The following KCNQ1 variants were observed in gnomAD, a reference collection of about 807,000 sequenced individuals.
The protein encoded by KCNQ1 is potassium voltage-gated channel subfamily Q member 1.
A neutral mutation model predicts 72.4 loss-of-function variants in KCNQ1; 49 were observed. The ratio of observed to expected loss-of-function variants is 0.68; its 90% CI spans 0.54 to 0.86. KCNQ1 has a LOEUF of 0.86. Among genes scored for constraint, KCNQ1 ranks in the 40% least tolerant of loss-of-function variants. The pLI, the probability that KCNQ1 is intolerant of heterozygous loss-of-function variation, is 0.00. For synonymous variants in KCNQ1, 450 were observed against 412.6 expected, an observed-to-expected ratio of 1.09 and a Z score of -1.10; for missense variants, 790 against 945.1, an observed-to-expected ratio of 0.84 and a Z score of 2.15.
In KCNQ1 at chr11:2,648,077, G is replaced by T. The variant is rs555203363; in HGVS notation, c.1394-13884G>T. On this transcript the variant is annotated intron_variant, in intron 10 of 15. Coordinates refer to ENST00000155840, the MANE Select transcript of KCNQ1 (RefSeq NM_000218.3). ...AAAAAAAAAAAAAAAAATTAGCGAG[G>T]TGTGGTGCTGCACATCTACTCAGAA... 77 of 397,286 alleles carry T rather than the reference G, an allele frequency of 1.9e-4. No homozygotes were observed. In the East Asian group the frequency reaches 2.7e-3, roughly 14 times the overall value. 24.6% of individuals were successfully genotyped at this position (397,286 alleles called of 1,614,324 possible). A position where few individuals can be genotyped will look rare whatever the true frequency, so the allele number is the denominator to read the frequency against.
Position 2,617,469 on chromosome 11 carries a change from A to G in KCNQ1, c.1393+28615A>G, listed in dbSNP as rs1293875253. 1.3e-5 allele frequency: 5 copies of G among 398,356 alleles called. No individual in the cohort carries two copies. The highest frequency in any genetic ancestry group is 8.2e-5 in the African/African-American group (4 of 48,626). 24.7% of individuals were successfully genotyped at this position (398,356 alleles called of 1,614,324 possible). On this transcript the variant is annotated intron_variant, in intron 10 of 15. Coordinates refer to ENST00000155840, the MANE Select transcript of KCNQ1 (RefSeq NM_000218.3). This position sits in a 1 kb window ranked among gnomAD's most constrained non-coding sequence, Gnocchi z 4.6. ...CACACCACAGTTTAGTCATCCATCA[A>G]TGGACACGTAAGTTTTCATATCGTG...
chr11:2,454,923 T>G (rs1471745818), intron 1 of KCNQ1, among the ~76,000 whole-genome samples: 1 of 151,830 alleles, frequency 6.6e-6, no homozygotes, highest in African/African-American at 2.4e-5. Context: ...GTCAGAAAAA[T>G]CAGGCAAGAG....
In KCNQ1 at chr11:2,497,355, T is replaced by C. The variant is rs576674384; in HGVS notation, c.387-30573T>C. ...ATAGTCCCATATTTCTTGGAGGTTTTGTTCGTTCTTTTTCATCATTTTTTC... is the reference window on the plus strand; with the variant it reads ...ATAGTCCCATATTTCTTGGAGGTTTCGTTCGTTCTTTTTCATCATTTTTTC... On this transcript the variant is annotated intron_variant, in intron 1 of 15. Transcript: ENST00000155840. This position sits in a 1 kb window ranked among gnomAD's most constrained non-coding sequence, Gnocchi z 4.5. Among the ~76,000 whole-genome samples the C allele has an allele frequency of 3.9e-5, 6 of 152,306 alleles. No individual in the cohort carries two copies. The East Asian group carries it at 9.6e-4, about 24-fold the overall frequency.
At chr11:2,714,228 A>G (rs1005929733) in intron 11 of KCNQ1, among the ~76,000 whole-genome samples, 2 of 152,176 alleles carry the variant, frequency 1.3e-5, no homozygotes, top group Non-Finnish European at 2.9e-5. Flanking sequence ...AGCATTCCGC[A>G]TCTCATGGGG....
chr11:2,844,481 C>T (rs367720428), intron 15 of KCNQ1, among the ~76,000 whole-genome samples: 9 of 152,214 alleles, frequency 5.9e-5, no homozygotes, highest in Non-Finnish European at 1.3e-4. Flanking sequence ...CATGGGCTGA[C>T]GCTGGCCCAG....
rs1315213139 is a variant in KCNQ1 at position 2,599,536 on chromosome 11, C to G, written c.1393+10682C>G. ...CTTTTATTTCTATGTGTTAACTTTC[C>G]AGGATGTATTAGTTTGCTAGGACTG... On this transcript the variant is annotated intron_variant, in intron 10 of 15. Transcript: ENST00000155840. This position sits in a 1 kb window ranked among gnomAD's most constrained non-coding sequence, Gnocchi z 4.7. 6.6e-6 allele frequency among the ~76,000 whole-genome samples: 1 copy of G among 152,054 alleles called. No homozygotes were observed. Among genetic ancestry groups the G allele is most frequent in the Non-Finnish European group, 1.5e-5 (1 of 68,014 alleles).
chr11:2,584,819 C>T (rs1000707297), intron 7 of KCNQ1, among the ~76,000 whole-genome samples: 5 of 152,072 alleles, frequency 3.3e-5, no homozygotes, highest in Non-Finnish European at 4.4e-5. Flanking sequence ...TCCCATCAAC[C>T]GTCCTTGGGC....
Position 2,618,308 on chromosome 11 carries a change from T to TA in KCNQ1, c.1393+29461dup, listed in dbSNP as rs574206243. 2.0e-4 allele frequency: 80 copies of TA among 398,460 alleles called. No homozygotes were observed. Among genetic ancestry groups the TA allele is most frequent in the African/African-American group, 1.3e-3 (62 of 48,708 alleles). The allele number at this position is 398,460 out of a possible 1,614,324, so 24.7% of individuals were successfully genotyped here. ...CTAACAATAACAACAGCTGATGGGCTAAAAAAATGCAAAAAAATTCAATGT... is the reference window on the plus strand; with the variant it reads ...CTAACAATAACAACAGCTGATGGGCTAAAAAAAATGCAAAAAAATTCAATGT... On this transcript the variant is annotated intron_variant, in intron 10 of 15. Transcript: ENST00000155840.
At chr11:2,666,760 G>A (rs1268758998) in intron 11 of KCNQ1, 1 of 398,688 alleles carries the variant, frequency 2.5e-6, no homozygotes. Context: ...GCAGCTCTGT[G>A]AGTGTCTAAG....
In KCNQ1 at chr11:2,463,013, G is replaced by T. The variant is rs1025985364; in HGVS notation, c.386+17529G>T. ...CCCCTGAACTGGTAAGCGGGGCAGC[G>T]GCGGCAGGGGGCCCAGGGAAGTGGG... On this transcript the variant is annotated intron_variant, in intron 1 of 15. Transcript: ENST00000155840. This position sits in a 1 kb window ranked among gnomAD's most constrained non-coding sequence, Gnocchi z 7.0. Among the ~76,000 whole-genome samples the T allele has an allele frequency of 6.6e-6, 1 of 152,156 alleles. No homozygotes were observed. The highest frequency in any genetic ancestry group is 2.4e-5 in the African/African-American group (1 of 41,416).
chr11:2,513,315 T>C (rs1043277403), intron 1 of KCNQ1, among the ~76,000 whole-genome samples: 5 of 152,214 alleles, frequency 3.3e-5, no homozygotes, highest in African/African-American at 4.8e-5. Flanking sequence ...GTGTCAGTTC[T>C]GGACTCAGCT....
intron 1 of KCNQ1, among the ~76,000 whole-genome samples, chr11:2,525,839 C>T (rs1014463082): frequency 9.9e-5 from 15 of 152,152 alleles, no homozygotes; most frequent in African/African-American, 2.4e-4. Flanking sequence ...GGAAGTCCCA[C>T]GGGGCTGATC....
At position 2,826,081 on chromosome 11, in the gene KCNQ1, C is replaced by T. The variant is rs1415286552; in HGVS notation, c.1795-21686C>T. On this transcript the variant is annotated intron_variant, in intron 15 of 15. Coordinates refer to ENST00000155840, the MANE Select transcript of KCNQ1 (RefSeq NM_000218.3). The surrounding 1 kb of genome is among the most constrained non-coding windows in gnomAD (Gnocchi z 4.2). ...TAACTGCCTGTGAGTTATAAGCCTCCACAGCAAGCAGCCTGTTACCTAACC... is the reference window on the plus strand; with the variant it reads ...TAACTGCCTGTGAGTTATAAGCCTCTACAGCAAGCAGCCTGTTACCTAACC... Among the ~76,000 whole-genome samples the T allele has an allele frequency of 6.6e-6, 1 of 152,240 alleles. No individual in the cohort carries two copies. The highest frequency in any genetic ancestry group is 2.4e-5 in the African/African-American group (1 of 41,458).
rs1847516811 is a variant in KCNQ1, at chr11:2,526,804, A to G, written c.387-1124A>G. 6.6e-6 allele frequency among the ~76,000 whole-genome samples: 1 copy of G among 151,966 alleles called. No individual in the cohort carries two copies. Among genetic ancestry groups the G allele is most frequent in the Admixed American group, 6.5e-5 (1 of 15,284 alleles). On this transcript the variant is annotated intron_variant, in intron 1 of 15. Transcript: ENST00000155840. The surrounding 1 kb of genome is among the most constrained non-coding windows in gnomAD (Gnocchi z 6.1). ...GCTGTCCTGGGGTGGGTTAGAAGCCACTCAGGATGGCAGGATCTCAGGGAG... is the reference window on the plus strand; with the variant it reads ...GCTGTCCTGGGGTGGGTTAGAAGCCGCTCAGGATGGCAGGATCTCAGGGAG...
chr11:2,490,634 C>T (rs530899091), intron 1 of KCNQ1, among the ~76,000 whole-genome samples: 6 of 152,292 alleles, frequency 3.9e-5, no homozygotes, highest in African/African-American at 1.4e-4. Context: ...GTCTCTGCCT[C>T]GTAATGCAGA....
rs1187527877 is a variant in KCNQ1, at chr11:2,494,173, C to T, written c.387-33755C>T. Among the ~76,000 whole-genome samples the T allele has an allele frequency of 6.6e-6, 1 of 152,116 alleles. No homozygotes were observed. The highest frequency in any genetic ancestry group is 1.9e-4 in the East Asian group (1 of 5,188). On this transcript the variant is annotated intron_variant, in intron 1 of 15. Transcript: ENST00000155840. The surrounding 1 kb of genome is among the most constrained non-coding windows in gnomAD (Gnocchi z 4.6). ...TGTCTATTTTTGGTGTATAGGAATG[C>T]TTGTGAATTTTGCACATTGATTTTG...
In KCNQ1 at chr11:2,698,191, A is replaced by C. The variant is rs901880305; in HGVS notation, c.1514+36110A>C. 2 of 398,552 alleles carry C rather than the reference A, an allele frequency of 5.0e-6. No homozygotes were observed. Among genetic ancestry groups the C allele is most frequent in the Non-Finnish European group, 8.8e-6 (2 of 226,082 alleles). 24.7% of individuals were successfully genotyped at this position (398,552 alleles called of 1,614,324 possible). A position where few individuals can be genotyped will look rare whatever the true frequency, so the allele number is the denominator to read the frequency against. ...CTTTTGGTCTAGCAAAAGGGGCACC[A>C]CAGTAAAGAAAGAACTGGTAAATGC... On this transcript the variant is annotated intron_variant, in intron 11 of 15. Coordinates refer to ENST00000155840, the MANE Select transcript of KCNQ1 (RefSeq NM_000218.3). The surrounding 1 kb of genome is among the most constrained non-coding windows in gnomAD (Gnocchi z 5.1).
At position 2,672,322 on chromosome 11, in the gene KCNQ1, C is replaced by A. The variant is rs1160131034; in HGVS notation, c.1514+10241C>A. On this transcript the variant is annotated intron_variant, in intron 11 of 15. Coordinates refer to ENST00000155840, the MANE Select transcript of KCNQ1 (RefSeq NM_000218.3). ...GGCTCCAGGTGGGAGCTCAAGGGGGCCTGGTGTGGTGGGTGCAGAAGCAGT... is the reference window on the plus strand; with the variant it reads ...GGCTCCAGGTGGGAGCTCAAGGGGGACTGGTGTGGTGGGTGCAGAAGCAGT... 1.3e-5 allele frequency: 5 copies of A among 398,512 alleles called. No homozygotes were observed. In the East Asian group the frequency reaches 1.8e-4, roughly 14 times the overall value. 24.7% of individuals were successfully genotyped at this position (398,512 alleles called of 1,614,324 possible).
intron 11 of KCNQ1, among the ~76,000 whole-genome samples, chr11:2,756,814 T>G (rs183683898): frequency 5.3e-4 from 81 of 152,200 alleles, no homozygotes; most frequent in African/African-American, 1.9e-3. Flanking sequence ...TAAAAACTAA[T>G]TATATGACAT....
Sources: gnomAD v4.1 joint callset for allele counts (sites outside exome capture counted in the v4.1 genomes callset) on GRCh38, gnomAD v4.1.1 for gene constraint, Gnocchi (gnomAD v3.1) non-coding constraint, MANE v1.5 for transcripts, NCBI Gene and HGNC (gene_info 2026-07-23, HGNC 2026-07-21) for gene names.